Variants in PCDHGB7 observed in about 807,000 individuals in gnomAD.
The protein encoded by PCDHGB7 is protocadherin gamma-B7.
A neutral mutation model predicts 61.4 loss-of-function variants in PCDHGB7; 37 were observed. The observed-to-expected ratio is 0.60, with a 90% confidence interval of 0.46 to 0.79. PCDHGB7 has a LOEUF of 0.79. PCDHGB7 is among the 30% of genes least tolerant of loss of function. The pLI, the probability that PCDHGB7 is intolerant of heterozygous loss-of-function variation, is 0.00. For synonymous variants in PCDHGB7, 464 were observed against 503.5 expected, an observed-to-expected ratio of 0.92 and a Z score of 1.05; for missense variants, 1,166 against 1,202.5, an observed-to-expected ratio of 0.97 and a Z score of 0.45.
In PCDHGB7 at chr5:141,489,637, T is replaced by G. The variant is rs1230531256; in HGVS notation, c.2416-5170T>G. The G allele has an allele frequency of 6.2e-6, 10 of 1,614,032 alleles. No homozygotes were observed. The highest frequency in any genetic ancestry group is 2.7e-5 in the African/African-American group (2 of 74,914). On this transcript the variant is annotated intron_variant, in intron 1 of 3. Transcript: ENST00000398594. The surrounding 1 kb of genome is among the most constrained non-coding windows in gnomAD (Gnocchi z 4.5). The stretch of plus-strand genomic sequence containing the variant: ...GGATCTCAATGACAACTCTCCTAGC[T>G]TTGCCACCCCTGAGCGAGAGATGCG...
intron 1 of PCDHGB7, chr5:141,478,608 G>C (rs751033009): frequency 7.7e-6 from 12 of 1,558,942 alleles, no homozygotes; most frequent in Middle Eastern, 1.7e-4. Context: ...ATCATATTGA[G>C]GAAGGAATGG....
At position 141,487,550 on chromosome 5, in the gene PCDHGB7, G is replaced by A. The variant is rs762537798; in HGVS notation, c.2416-7257G>A. 1 of 1,614,160 alleles carries A rather than the reference G, an allele frequency of 6.2e-7. No individual in the cohort carries two copies. The highest frequency in any genetic ancestry group is 1.1e-5 in the South Asian group (1 of 91,082). ...CTTCATGATGGTGAAGTCACCCAGT[G>A]CACCTATGGCAGGGGAGCCTGTTCG... On this transcript the variant is annotated intron_variant, in intron 1 of 3. Transcript: ENST00000398594. The surrounding 1 kb of genome is among the most constrained non-coding windows in gnomAD (Gnocchi z 5.0).
At chr5:141,475,448 G>C (rs774710049) in intron 1 of PCDHGB7, among the ~76,000 whole-genome samples, 1 of 152,214 alleles carries the variant, frequency 6.6e-6, no homozygotes, top group African/African-American at 2.4e-5. Context: ...CAGATAATGA[G>C]GAAGTGACAG....
In PCDHGB7 at chr5:141,491,443, G is replaced by C. The variant is rs955584868; in HGVS notation, c.2416-3364G>C. On this transcript the variant is annotated intron_variant, in intron 1 of 3. Transcript: ENST00000398594. This position sits in a 1 kb window ranked among gnomAD's most constrained non-coding sequence, Gnocchi z 6.9. ...TGGAGGGCAGTGCTGCAGGCGCCAG[G>C]ACTCACCCTCCCCGGACTTCTATAA... 1 of 1,613,998 alleles carries C rather than the reference G, an allele frequency of 6.2e-7. No homozygotes were observed. Among genetic ancestry groups the C allele is most frequent in the Admixed American group, 1.7e-5 (1 of 60,000 alleles).
chr5:141,433,329 G>A, intron 1 of PCDHGB7: 1 of 702,998 alleles, frequency 1.4e-6, no homozygotes, highest in Non-Finnish European at 2.4e-6. Context: ...GTGTAACAGG[G>A]ACTACAGGTG....
chr5:141,417,980 C>G lies in PCDHGB7; in HGVS notation c.121C>G (p.Leu41Val), dbSNP rs905203424. The change falls in exon 1 of 4, where the codon CTG becomes GTG. Residue 41 changes from leucine to valine, a missense_variant. Coordinates refer to ENST00000398594, the MANE Select transcript of PCDHGB7 (RefSeq NM_018927.4). ...EPIRYSIPEE[L>V]AKGSVVGNLA... ...GATCCGCTACTCGATTCCGGAGGAG[C>G]TGGCCAAGGGCTCGGTGGTGGGGAA... is the stretch of plus-strand genomic sequence containing the variant. The G allele has an allele frequency of 1.9e-6, 3 of 1,613,738 alleles. No individual in the cohort carries two copies. In the African/African-American group the frequency reaches 4.0e-5, roughly 22 times the overall value.
rs1471215172 is a variant in PCDHGB7 at position 141,511,840 on chromosome 5, TCTG to T, written c.*668_*670del. 1 of 156,722 alleles carries T rather than the reference TCTG, an allele frequency of 6.4e-6. No homozygotes were observed. Among genetic ancestry groups the T allele is most frequent in the African/African-American group, 2.4e-5 (1 of 41,448 alleles). The allele number at this position is 156,722 out of a possible 1,614,324, so 9.7% of individuals were successfully genotyped here. A position where few individuals can be genotyped will look rare whatever the true frequency, so the allele number is the denominator to read the frequency against. On this transcript the variant is annotated 3_prime_UTR_variant, in exon 4 of 4. Coordinates refer to ENST00000398594, the MANE Select transcript of PCDHGB7 (RefSeq NM_018927.4). ...TTCCCAACGCCCTGGGGACCAGTCTTCTGTTTTGTTTTTCATTGTTTGACGTTT... is the reference window on the plus strand; with the variant it reads ...TTCCCAACGCCCTGGGGACCAGTCTTTTTTGTTTTTCATTGTTTGACGTTT...
Position 141,489,565 on chromosome 5 carries a change from G to C in PCDHGB7, c.2416-5242G>C. The C allele has an allele frequency of 6.2e-7, 1 of 1,614,118 alleles. No homozygotes were observed. ...CAGCTGCCTGCTGCCAGTGCAGGTGGTGACTGAACACCCCCTGGAGCTAAT... is the reference window on the plus strand; with the variant it reads ...CAGCTGCCTGCTGCCAGTGCAGGTGCTGACTGAACACCCCCTGGAGCTAAT... On this transcript the variant is annotated intron_variant, in intron 1 of 3. Coordinates refer to ENST00000398594, the MANE Select transcript of PCDHGB7 (RefSeq NM_018927.4). This position sits in a 1 kb window ranked among gnomAD's most constrained non-coding sequence, Gnocchi z 4.5.
chr5:141,459,757 G>A (rs1360124889), intron 1 of PCDHGB7, among the ~76,000 whole-genome samples: 3 of 152,162 alleles, frequency 2.0e-5, no homozygotes, highest in Admixed American at 2.0e-4. Context: ...ATTCTAGTGG[G>A]TGTGTGATAC....
At chr5:141,430,907 A>G (rs776543955) in intron 1 of PCDHGB7, 1 of 1,606,916 alleles carries the variant, frequency 6.2e-7, no homozygotes, top group Non-Finnish European at 8.5e-7. Flanking sequence ...CGACATCTCC[A>G]GGGACCTGGG....
At chr5:141,454,811 T>TTTTTA (rs1284435092) in intron 1 of PCDHGB7, among the ~76,000 whole-genome samples, 4 of 125,862 alleles carry the variant, frequency 3.2e-5, no homozygotes, top group African/African-American at 1.3e-4. Context: ...TTTTTTTTTT[T>TTTTTA]TTTTTTTTTT....
In PCDHGB7 at chr5:141,431,584, G is replaced by C. The variant is rs201462681; in HGVS notation, c.2415+11310G>C. 5.0e-6 allele frequency: 8 copies of C among 1,614,192 alleles called. No individual in the cohort carries two copies. The Admixed American group carries it at 1.3e-4, about 27-fold the overall frequency. ...CCGACCCTGACGAAGGAGTCAATGC[G>C]GAAGTGAGGTATTCCTTCCGGTATG... On this transcript the variant is annotated intron_variant, in intron 1 of 3. Transcript: ENST00000398594. This position sits in a 1 kb window ranked among gnomAD's most constrained non-coding sequence, Gnocchi z 4.8.
In PCDHGB7 at chr5:141,489,662, G is replaced by C; in HGVS notation, c.2416-5145G>C. 8.1e-6 allele frequency: 13 copies of C among 1,614,144 alleles called. No individual in the cohort carries two copies. The highest frequency in any genetic ancestry group is 1.1e-5 in the Non-Finnish European group (13 of 1,180,010). On this transcript the variant is annotated intron_variant, in intron 1 of 3. Coordinates refer to ENST00000398594, the MANE Select transcript of PCDHGB7 (RefSeq NM_018927.4). This position sits in a 1 kb window ranked among gnomAD's most constrained non-coding sequence, Gnocchi z 4.5. The stretch of plus-strand genomic sequence containing the variant: ...TTTGCCACCCCTGAGCGAGAGATGC[G>C]CATCTCAGAATCAGCAGCATCTGGG...
rs779191558 is a variant in PCDHGB7 at position 141,491,465 on chromosome 5, A to T, written c.2416-3342A>T. 3.1e-6 allele frequency: 5 copies of T among 1,614,092 alleles called. No homozygotes were observed. Among genetic ancestry groups the T allele is most frequent in the Non-Finnish European group, 4.2e-6 (5 of 1,180,010 alleles). On this transcript the variant is annotated intron_variant, in intron 1 of 3. Transcript: ENST00000398594. The surrounding 1 kb of genome is among the most constrained non-coding windows in gnomAD (Gnocchi z 6.9). ...CAGGACTCACCCTCCCCGGACTTCT[A>T]TAAGCAGTCCAGCCCCAACCTGCAG... is the stretch of plus-strand genomic sequence containing the variant.
chr5:141,432,117 C>T lies in PCDHGB7; in HGVS notation c.2415+11843C>T, dbSNP rs761106133. The T allele has an allele frequency of 3.9e-5, 63 of 1,614,062 alleles. No individual in the cohort carries two copies. Among genetic ancestry groups the T allele is most frequent in the Non-Finnish European group, 4.2e-5 (50 of 1,180,048 alleles). On this transcript the variant is annotated intron_variant, in intron 1 of 3. Transcript: ENST00000398594. The surrounding 1 kb of genome is among the most constrained non-coding windows in gnomAD (Gnocchi z 6.0). ...ACCAACGACAACCCGCCGGTCTTCC[C>T]TCAGGCCTCCTATTCCGCTTATATC...
chr5:141,442,797 G>A (rs140116155), intron 1 of PCDHGB7, among the ~76,000 whole-genome samples: 1,916 of 152,222 alleles, frequency 0.013, 22 homozygotes, highest in Non-Finnish European at 0.02. Context: ...ATTTTACTTT[G>A]ATATTCAAAT....
Position 141,491,547 on chromosome 5 carries a change from G to A in PCDHGB7, c.2416-3260G>A. On this transcript the variant is annotated intron_variant, in intron 1 of 3. Transcript: ENST00000398594. This position sits in a 1 kb window ranked among gnomAD's most constrained non-coding sequence, Gnocchi z 6.9. ...AGGTGACGCTGCGGCCCACAGACTC[G>A]CAGAGCCACTGCTACAGGACGTGCT... is the stretch of plus-strand genomic sequence containing the variant. The A allele has an allele frequency of 4.3e-6, 7 of 1,613,974 alleles. No individual in the cohort carries two copies. The highest frequency in any genetic ancestry group is 5.9e-6 in the Non-Finnish European group (7 of 1,180,022).
In PCDHGB7 at chr5:141,431,279, C is replaced by G. The variant is rs1163372308; in HGVS notation, c.2415+11005C>G. Reference sequence around the variant, plus strand: ...CTCTCTGCAGAGCTACGAGCTCAGCCCGAACACTCACTTCTCCCTCATCGT... The same window carrying G: ...CTCTCTGCAGAGCTACGAGCTCAGCGCGAACACTCACTTCTCCCTCATCGT... On this transcript the variant is annotated intron_variant, in intron 1 of 3. Coordinates refer to ENST00000398594, the MANE Select transcript of PCDHGB7 (RefSeq NM_018927.4). This position sits in a 1 kb window ranked among gnomAD's most constrained non-coding sequence, Gnocchi z 4.8. 1 of 1,614,028 alleles carries G rather than the reference C, an allele frequency of 6.2e-7. No individual in the cohort carries two copies. Among genetic ancestry groups the G allele is most frequent in the African/African-American group, 1.3e-5 (1 of 74,926 alleles).
At chr5:141,505,559 G>A (rs1215110084) in intron 3 of PCDHGB7, 78 bp downstream of exon 3, 27 of 1,604,592 alleles carry the variant, frequency 1.7e-5, no homozygotes, top group Non-Finnish European at 2.0e-5. Flanking sequence ...CCATGCCCAC[G>A]GACTGGATGT....
Sources: allele counts gnomAD v4.1 joint callset (sites outside exome capture counted in the v4.1 genomes callset), GRCh38; gene constraint gnomAD v4.1.1; non-coding constraint Gnocchi (gnomAD v3.1); transcripts MANE v1.5; gene names NCBI Gene and HGNC (gene_info 2026-07-23, HGNC 2026-07-21).